The following MSH3 variants were observed in gnomAD, a reference collection of about 807,000 sequenced individuals.
The protein encoded by MSH3 is DNA mismatch repair protein Msh3.
Under a neutral mutation model 123.3 loss-of-function variants are expected in MSH3, and 106 were observed. That is an observed-to-expected ratio of 0.86 (90% CI 0.73 to 1.01). MSH3 has a LOEUF of 1.01. Among genes scored for constraint, MSH3 ranks in the 50% least tolerant of loss-of-function variants. The pLI is 0.00. For synonymous variants in MSH3, 515 were observed against 481.4 expected (o/e 1.07, Z -0.91); for missense variants, 1,459 against 1,347.6 (o/e 1.08, Z -1.29).
intron 20 of MSH3, among the ~76,000 whole-genome samples, chr5:80,819,068 A>G (rs192462290): frequency 3.2e-3 from 486 of 152,180 alleles, no homozygotes; most frequent in Non-Finnish European, 5.2e-3. Flanking sequence ...GGTGCAACCA[A>G]TGTCCAGTTG....
chr5:80,785,268 G>A (rs1266524380), intron 17 of MSH3, among the ~76,000 whole-genome samples: 2 of 152,168 alleles, frequency 1.3e-5, no homozygotes, highest in African/African-American at 4.8e-5. Flanking sequence ...GAATATCTGA[G>A]CTACACTATT....
chr5:80,679,327 T>C (rs2112819434), intron 8 of MSH3, among the ~76,000 whole-genome samples: 1 of 152,150 alleles, frequency 6.6e-6, no homozygotes, highest in East Asian at 1.9e-4. Context: ...AGCCCCGGAA[T>C]CTGAGACCAG....
intron 20 of MSH3, among the ~76,000 whole-genome samples, chr5:80,851,762 A>G (rs921654344): frequency 6.6e-6 from 1 of 152,190 alleles, no homozygotes; most frequent in African/African-American, 2.4e-5. Flanking sequence ...ATGTTGGAAT[A>G]TGGCTTATAT....
At chr5:80,851,851 A>T (rs904447777) in intron 20 of MSH3, among the ~76,000 whole-genome samples, 1 of 152,136 alleles carries the variant, frequency 6.6e-6, no homozygotes, top group Non-Finnish European at 1.5e-5. Context: ...TCCTTTCCCT[A>T]TTAATTTGAA....
At position 80,654,699 on chromosome 5, in the gene MSH3, T is replaced by A; in HGVS notation, c.-29T>A. On this transcript the variant is annotated 5_prime_UTR_variant, in exon 1 of 24. Coordinates refer to ENST00000265081, the MANE Select transcript of MSH3 (RefSeq NM_002439.5). The stretch of plus-strand genomic sequence containing the variant: ...CGGGCTCGCGCTCCTCGCCAGGCCC[T>A]GCCGCCGGGCTGCCATCCTTGCCCT... 6.4e-7 allele frequency: 1 copy of A among 1,574,734 alleles called. No homozygotes were observed. The highest frequency in any genetic ancestry group is 8.6e-7 in the Non-Finnish European group (1 of 1,163,086).
rs748503133 is a variant in MSH3 at position 80,765,441 on chromosome 5, AT to A, written c.1897-2490del. On this transcript the variant is annotated intron_variant, in intron 13 of 23. Transcript: ENST00000265081. ...AAAGTTGCCTCATGATACACTTAGAATTCAACATTTGCTCAGTTGGACCTAA... is the reference window on the plus strand; with the variant it reads ...AAAGTTGCCTCATGATACACTTAGAATCAACATTTGCTCAGTTGGACCTAA... Among the ~76,000 whole-genome samples the A allele has an allele frequency of 3.0e-4, 46 of 152,276 alleles. No homozygotes were observed. In the Middle Eastern group the frequency reaches 0.01, roughly 34 times the overall value.
intron 8 of MSH3, among the ~76,000 whole-genome samples, chr5:80,689,410 T>C (rs1052645093): frequency 6.6e-6 from 1 of 152,172 alleles, no homozygotes; most frequent in African/African-American, 2.4e-5. Context: ...ACATGTTTGT[T>C]GTAAAAGTGA....
At chr5:80,757,646 G>C (rs1339525346) in intron 12 of MSH3, among the ~76,000 whole-genome samples, 1 of 152,092 alleles carries the variant, frequency 6.6e-6, no homozygotes, top group Admixed American at 6.6e-5. Context: ...AATTTAAGTT[G>C]TATAGTAAGA....
In MSH3 at chr5:80,682,246, A is replaced by T. The variant is rs189354842; in HGVS notation, c.1340+3153A>T. Among the ~76,000 whole-genome samples, 13 of 152,204 alleles carry T rather than the reference A, an allele frequency of 8.5e-5. No individual in the cohort carries two copies. In the East Asian group the frequency reaches 2.1e-3, roughly 25 times the overall value. ...GGAAAACTAGCTCTTCCCTTTAGTGACTTTGAGTAAGTTATCTACTGTATT... is the reference window on the plus strand; with the variant it reads ...GGAAAACTAGCTCTTCCCTTTAGTGTCTTTGAGTAAGTTATCTACTGTATT... On this transcript the variant is annotated intron_variant, in intron 8 of 23. Coordinates refer to ENST00000265081, the MANE Select transcript of MSH3 (RefSeq NM_002439.5).
intron 20 of MSH3, among the ~76,000 whole-genome samples, chr5:80,819,820 G>A (rs1745173721): frequency 6.6e-6 from 1 of 152,134 alleles, no homozygotes; most frequent in Non-Finnish European, 1.5e-5. Flanking sequence ...TTAGTGCACT[G>A]TAGTTTTATG....
chr5:80,654,669 G>A lies in MSH3; in HGVS notation c.-59G>A, dbSNP rs764025716. ...GCGCCCGCAGACGCCTGGGAACTGC[G>A]GCCGCGGGCTCGCGCTCCTCGCCAG... On this transcript the variant is annotated 5_prime_UTR_variant, in exon 1 of 24. Transcript: ENST00000265081. 4.0e-5 allele frequency: 61 copies of A among 1,511,584 alleles called. No individual in the cohort carries two copies. In the South Asian group the frequency reaches 6.0e-4, roughly 15 times the overall value. The allele number at this position is 1,511,584 out of a possible 1,614,324, so 93.6% of individuals were successfully genotyped here.
At chr5:80,720,845 A>G (rs977454215) in intron 8 of MSH3, among the ~76,000 whole-genome samples, 2 of 152,046 alleles carry the variant, frequency 1.3e-5, no homozygotes, top group Non-Finnish European at 1.5e-5. Context: ...CTGACTTCAC[A>G]GTTCTGGTAG....
intron 7 of MSH3, among the ~76,000 whole-genome samples, chr5:80,677,230 T>C (rs914447316): frequency 1.1e-4 from 16 of 152,198 alleles, no homozygotes; most frequent in Admixed American, 5.9e-4. Flanking sequence ...TATTGGTAAT[T>C]AGTCTGAAAT....
At chr5:80,825,717 A>ATTC (rs2112071769) in intron 20 of MSH3, among the ~76,000 whole-genome samples, 1 of 152,354 alleles carries the variant, frequency 6.6e-6, no homozygotes, top group Non-Finnish European at 1.5e-5. Context: ...CTTAAAATAG[A>ATTC]TTAGAATAAG....
At chr5:80,827,219 A>G (rs1162850647) in intron 20 of MSH3, among the ~76,000 whole-genome samples, 1 of 152,230 alleles carries the variant, frequency 6.6e-6, no homozygotes, top group Non-Finnish European at 1.5e-5. Context: ...ATTTATTTCT[A>G]TTAAACGTTG....
intron 20 of MSH3, among the ~76,000 whole-genome samples, chr5:80,823,998 A>G (rs1745245529): frequency 6.6e-6 from 1 of 152,190 alleles, no homozygotes; most frequent in Admixed American, 6.5e-5. Context: ...TGTTTCAGAG[A>G]GCACAGGGTT....
intron 22 of MSH3, among the ~76,000 whole-genome samples, chr5:80,865,372 A>G (rs1746082052): frequency 6.6e-6 from 1 of 152,140 alleles, no homozygotes; most frequent in Admixed American, 6.5e-5. Context: ...ACTGTACTGG[A>G]CATAGGTTTT....
At chr5:80,784,593 A>T (rs1744471256) in intron 17 of MSH3, among the ~76,000 whole-genome samples, 1 of 152,192 alleles carries the variant, frequency 6.6e-6, no homozygotes, top group Non-Finnish European at 1.5e-5. Context: ...TCCAAAATAC[A>T]CAATTAAGCT....
At chr5:80,815,590 T>G (rs1369987536) in intron 20 of MSH3, among the ~76,000 whole-genome samples, 2 of 152,186 alleles carry the variant, frequency 1.3e-5, no homozygotes, top group Admixed American at 1.3e-4. Context: ...CCCTCAGAGT[T>G]GTAAGATTGC....
Sources: allele counts gnomAD v4.1 joint callset (sites outside exome capture counted in the v4.1 genomes callset), GRCh38; gene constraint gnomAD v4.1.1; transcripts MANE v1.5; gene names NCBI Gene and HGNC (gene_info 2026-07-23, HGNC 2026-07-21).